Variants in RBM33 observed in about 807,000 individuals in gnomAD.
RBM33 encodes the protein RNA-binding protein 33.
In RBM33, 28 loss-of-function variants were observed where a neutral mutation model predicts 132.6. The ratio of observed to expected loss-of-function variants is 0.21; its 90% confidence interval spans 0.16 to 0.29. The LOEUF (loss-of-function observed/expected upper bound fraction) is 0.29, where lower values mean the gene tolerates loss of function less well. Ranked by LOEUF, RBM33 falls within the 10% of genes least tolerant of loss-of-function variation. RBM33 has a pLI of 1.00. For missense variants in RBM33, 1,291 were observed against 1,518.5 expected (o/e 0.85, Z 2.49); for synonymous variants, 634 against 593.0 (o/e 1.07, Z -1.01).
chr7:155,754,709 A>AAG (rs1420116394), intron 14 of RBM33, among the ~76,000 whole-genome samples: 2 of 152,220 alleles, frequency 1.3e-5, no homozygotes, highest in Non-Finnish European at 2.9e-5. Flanking sequence ...GTAGACTGTT[A>AAG]AGAGAGAGAG....
rs563874959 is a variant in RBM33 at position 155,670,675 on chromosome 7, G to C, written c.123-2192G>C. On this transcript the variant is annotated intron_variant, in intron 2 of 17. Coordinates refer to ENST00000401878, the MANE Select transcript of RBM33 (RefSeq NM_053043.3). ...GGGGTATTATGTCAATGAAAAGCTC[G>C]TGTGTGTGGAACATGTCAAGTGGTG... Among the ~76,000 whole-genome samples the C allele has an allele frequency of 1.0e-3, 158 of 152,208 alleles. 1 individual carries two copies. The Middle Eastern group carries it at 0.014, about 13-fold the overall frequency.
At chr7:155,693,203 C>G (rs945882651) in intron 5 of RBM33, among the ~76,000 whole-genome samples, 3 of 151,976 alleles carry the variant, frequency 2.0e-5, no homozygotes, top group African/African-American at 7.3e-5. Context: ...TTACTGTAAG[C>G]GAGAAATATT....
At chr7:155,668,230 A>T (rs1262170652) in intron 2 of RBM33, among the ~76,000 whole-genome samples, 1 of 152,136 alleles carries the variant, frequency 6.6e-6, no homozygotes, top group South Asian at 2.1e-4. Context: ...CAGTGTGGAT[A>T]TGTGTCTGTG....
chr7:155,650,583 A>C (rs541013803), intron 1 of RBM33, among the ~76,000 whole-genome samples: 1 of 152,274 alleles, frequency 6.6e-6, no homozygotes, highest in East Asian at 1.9e-4. Context: ...CATTTGTGCT[A>C]TCCTTTTATT....
intron 5 of RBM33, among the ~76,000 whole-genome samples, chr7:155,685,253 T>G (rs910472935): frequency 6.6e-6 from 1 of 152,116 alleles, no homozygotes; most frequent in Non-Finnish European, 1.5e-5. Context: ...GCCGTTTAAG[T>G]GTTAGAGTGT....
Position 155,748,771 on chromosome 7 carries a change from C to G in RBM33, c.2979+3169C>G, listed in dbSNP as rs533200960. On this transcript the variant is annotated intron_variant, in intron 14 of 17. Transcript: ENST00000401878. Reference sequence around the variant, plus strand: ...ATGTCTAGTCCTTTCTTGGTGGTCCCCTTTGTGGCTGCTGCTGCAGTATGC... The same window carrying G: ...ATGTCTAGTCCTTTCTTGGTGGTCCGCTTTGTGGCTGCTGCTGCAGTATGC... Among the ~76,000 whole-genome samples the G allele has an allele frequency of 2.0e-3, 299 of 151,210 alleles. 3 individuals carry two copies. Among genetic ancestry groups the G allele is most frequent in the Middle Eastern group, 6.8e-3 (2 of 294 alleles).
At chr7:155,654,645 C>T (rs1156647375) in intron 1 of RBM33, among the ~76,000 whole-genome samples, 3 of 152,086 alleles carry the variant, frequency 2.0e-5, no homozygotes, top group Non-Finnish European at 4.4e-5. Context: ...TATTCTCAGC[C>T]TTCATCTCAG....
intron 12 of RBM33, 97 bp from the exon 13 acceptor site, chr7:155,741,722 G>C: frequency 8.6e-7 from 1 of 1,163,032 alleles, no homozygotes; most frequent in Non-Finnish European, 1.2e-6. Context: ...TTACTAATTA[G>C]AATGATTTAT....
At chr7:155,746,074 G>A (rs188701729) in intron 14 of RBM33, among the ~76,000 whole-genome samples, 39 of 152,172 alleles carry the variant, frequency 2.6e-4, no homozygotes, top group Non-Finnish European at 3.8e-4. Flanking sequence ...GTTGTTATGC[G>A]GCACATGCTT....
chr7:155,739,388 T>C (rs996637086), intron 11 of RBM33: 2 of 228,608 alleles, frequency 8.7e-6, no homozygotes, highest in African/African-American at 4.6e-5. Context: ...GTCTGTGTGG[T>C]TGCATGTGTG....
intron 16 of RBM33, among the ~76,000 whole-genome samples, chr7:155,773,568 CAAAAAAAAAAAAAA>C (rs201127157): frequency 3.6e-4 from 18 of 50,476 alleles, no homozygotes; most frequent in East Asian, 7.0e-4. Flanking sequence ...ACTCCATCTC[CAAAAAAAAAAAAAA>C]AAAAAAAAAA....
Position 155,726,205 on chromosome 7 carries a change from A to G in RBM33, c.1260+7762A>G, listed in dbSNP as rs992612720. 3.3e-5 allele frequency among the ~76,000 whole-genome samples: 5 copies of G among 152,208 alleles called. No homozygotes were observed. The East Asian group carries it at 7.7e-4, about 23-fold the overall frequency. On this transcript the variant is annotated intron_variant, in intron 9 of 17. Transcript: ENST00000401878. ...TGTATTGAAAGATTCATGAAGTTTCAATGACATTGTTAAGGTATTTAATTA... is the reference window on the plus strand; with the variant it reads ...TGTATTGAAAGATTCATGAAGTTTCGATGACATTGTTAAGGTATTTAATTA...
intron 8 of RBM33, among the ~76,000 whole-genome samples, chr7:155,714,632 T>C (rs1300934357): frequency 6.6e-6 from 1 of 152,138 alleles, no homozygotes; most frequent in Non-Finnish European, 1.5e-5. Context: ...TCCAGACCTT[T>C]GGCAAGAAGC....
chr7:155,714,247 A>G (rs1585476609), intron 8 of RBM33, among the ~76,000 whole-genome samples: 1 of 152,322 alleles, frequency 6.6e-6, no homozygotes, highest in East Asian at 1.9e-4. Context: ...TTCACAAAGT[A>G]GTAAAGGGAA....
intron 5 of RBM33, among the ~76,000 whole-genome samples, chr7:155,692,242 A>G (rs1799665114): frequency 6.6e-6 from 1 of 152,154 alleles, no homozygotes; most frequent in Admixed American, 6.5e-5. Flanking sequence ...CTACTTTAAT[A>G]TTAACAGACC....
chr7:155,706,949 G>A lies in RBM33; in HGVS notation c.829G>A (p.Gly277Arg). ...AGGACGCTACAGCTCCAGGCGGGGA[G>A]GACGGCGAGGAGGTCCGCTGATGTG... ...KQGRYSSRRGGRRGGPLMCRG... is the reference protein window; with the variant it reads ...KQGRYSSRRGRRRGGPLMCRG... The change falls in exon 7 of 18, where the codon GGA becomes AGA. Residue 277 changes from glycine to arginine, a missense_variant. Physicochemically the swap from Gly to Arg is moderately radical, Grantham distance 125. Coordinates refer to ENST00000401878, the MANE Select transcript of RBM33 (RefSeq NM_053043.3). The A allele has an allele frequency of 6.2e-7, 1 of 1,604,114 alleles. No homozygotes were observed. Among genetic ancestry groups the A allele is most frequent in the Non-Finnish European group, 8.5e-7 (1 of 1,175,508 alleles).
At chr7:155,758,304 C>G (rs1254927348) in intron 14 of RBM33, among the ~76,000 whole-genome samples, 1 of 152,166 alleles carries the variant, frequency 6.6e-6, no homozygotes, top group Non-Finnish European at 1.5e-5. Flanking sequence ...ATAACAGGGT[C>G]CCCAACCTTA....
intron 10 of RBM33, 38 bp downstream of exon 10, chr7:155,737,700 G>T (rs1282251191): frequency 1.3e-6 from 2 of 1,514,254 alleles, no homozygotes. Context: ...AACAACAGAA[G>T]CTGCATTGGG....
Position 155,672,870 on chromosome 7 carries a change from A to G in RBM33, c.126A>G (p.Glu42=). 6.5e-7 allele frequency: 1 copy of G among 1,548,046 alleles called. No homozygotes were observed. The highest frequency in any genetic ancestry group is 8.7e-7 in the Non-Finnish European group (1 of 1,144,604). ...TGTCTCTTTTTTTTCTCCCAAGTGA[A>G]CTTGAAGATGATTTACTTGGAGAAG... ...RRAADEDWDS[E]LEDDLLGEDL... is the part of the protein sequence containing the mutation. Residue 42 remains glutamate, a synonymous_variant, in exon 3 of 18, where the codon GAA becomes GAG. Transcript: ENST00000401878.
Sources: gnomAD v4.1 joint callset for allele counts (sites outside exome capture counted in the v4.1 genomes callset) on GRCh38, gnomAD v4.1.1 for gene constraint, MANE v1.5 for transcripts, NCBI Gene and HGNC (gene_info 2026-07-23, HGNC 2026-07-21) for gene names.